UNC13A: variants seen among roughly 807,000 people sequenced by gnomAD.
The protein encoded by UNC13A is protein unc-13 homolog A.
In UNC13A, 61 loss-of-function variants were observed where a neutral mutation model predicts 219.7. The observed-to-expected ratio is 0.28, with a 90% CI of 0.23 to 0.34. UNC13A has a LOEUF of 0.34. Among genes scored for constraint, UNC13A ranks in the 10% least tolerant of loss-of-function variants. The probability of loss-of-function intolerance (pLI) is 1.00; values close to 1 mark genes in which losing one functional copy is unlikely to be tolerated. For synonymous variants in UNC13A, 920 were observed against 884.6 expected, an observed-to-expected ratio of 1.04 and a Z score of -0.71; for missense variants, 1,476 against 2,270.3, an observed-to-expected ratio of 0.65 and a Z score of 7.11.
chr19:17,632,697 G>A (rs890130619), intron 28 of UNC13A, 85 bp downstream of exon 28: 4 of 1,596,496 alleles, frequency 2.5e-6, no homozygotes, highest in Non-Finnish European at 3.4e-6. Context: ...GTAACCCTAA[G>A]TAGGTCAGTC....
intron 8 of UNC13A, among the ~76,000 whole-genome samples, chr19:17,659,762 C>T (rs941309889): frequency 2.0e-5 from 3 of 151,972 alleles, no homozygotes; most frequent in Non-Finnish European, 4.4e-5. Flanking sequence ...GAATGAGACC[C>T]TGTATCCAGA....
At chr19:17,624,365 C>G (rs1286882826) in intron 35 of UNC13A, among the ~76,000 whole-genome samples, 1 of 152,014 alleles carries the variant, frequency 6.6e-6, no homozygotes, top group Non-Finnish European at 1.5e-5. Context: ...GCAATCTGCC[C>G]GCCTCGAGCC....
At chr19:17,658,501 G>A (rs976849045) in intron 8 of UNC13A, among the ~76,000 whole-genome samples, 1 of 152,174 alleles carries the variant, frequency 6.6e-6, no homozygotes, top group South Asian at 2.1e-4. Context: ...AGGGGCTAGG[G>A]TAGGACCTAC....
chr19:17,650,432 T>C (rs558911461), intron 12 of UNC13A, among the ~76,000 whole-genome samples: 2 of 152,200 alleles, frequency 1.3e-5, no homozygotes, highest in African/African-American at 4.8e-5. Flanking sequence ...GATAATTGCT[T>C]GAACCAGGAG....
Position 17,674,773 on chromosome 19 carries a change from A to AG in UNC13A, c.53-18dup, listed in dbSNP as rs2079864752. ...TGAATTTCTCTGTGGCAGTGAGAGT[A>AG]GGGGTCAGCGCTGGGGCTCAGGGAC... On this transcript the variant is annotated splice_polypyrimidine_tract_variant and intron_variant, in intron 2 of 43. Coordinates refer to ENST00000519716, the MANE Select transcript of UNC13A (RefSeq NM_001080421.3). The surrounding 1 kb of genome is among the most constrained non-coding windows in gnomAD (Gnocchi z 5.0). 1 of 1,607,818 alleles carries AG rather than the reference A, an allele frequency of 6.2e-7. No homozygotes were observed. The highest frequency in any genetic ancestry group is 1.3e-5 in the African/African-American group (1 of 74,800).
Position 17,602,262 on chromosome 19 carries a change from G to C in UNC13A, c.*3792C>G, listed in dbSNP as rs1196179658. 2.0e-5 allele frequency: 3 copies of C among 152,684 alleles called. No individual in the cohort carries two copies. The highest frequency in any genetic ancestry group is 4.4e-5 in the Non-Finnish European group (3 of 68,228). The allele number at this position is 152,684 out of a possible 1,614,324, so 9.5% of individuals were successfully genotyped here. ...TACTTCCCCCGACACTCCCTGCCTT[G>C]GTCTCTGCATTTATCTTTCTCTGTA... On this transcript the variant is annotated 3_prime_UTR_variant, in exon 44 of 44. Coordinates refer to ENST00000519716, the MANE Select transcript of UNC13A (RefSeq NM_001080421.3).
intron 1 of UNC13A, among the ~76,000 whole-genome samples, chr19:17,681,951 AT>A (rs397859270): frequency 0.31 from 40,411 of 131,820 alleles, 6,438 homozygotes; most frequent in East Asian, 0.75. Context: ...ATCATCATTG[AT>A]TTTTTTTTTT....
chr19:17,666,595 AG>A, intron 7 of UNC13A, 54 bp downstream of exon 7: 1 of 1,337,304 alleles, frequency 7.5e-7, no homozygotes, highest in Non-Finnish European at 1.0e-6. Flanking sequence ...GTCATGGGGT[AG>A]GGGAGGGATG....
At chr19:17,651,184 C>T (rs969340649) in intron 12 of UNC13A, among the ~76,000 whole-genome samples, 2 of 151,766 alleles carry the variant, frequency 1.3e-5, no homozygotes, top group Non-Finnish European at 2.9e-5. Context: ...GGTGATCAAC[C>T]GCCTAGGCCT....
intron 30 of UNC13A, 86 bp from the exon 31 acceptor site, chr19:17,629,409 A>C: frequency 3.2e-6 from 4 of 1,253,392 alleles, no homozygotes; most frequent in Non-Finnish European, 4.5e-6. Flanking sequence ...TAGTGAGATC[A>C]GTGATGAACC....
At chr19:17,682,696 G>A (rs1260559720) in intron 1 of UNC13A, among the ~76,000 whole-genome samples, 1 of 152,166 alleles carries the variant, frequency 6.6e-6, no homozygotes, top group Non-Finnish European at 1.5e-5. Flanking sequence ...AGGCTTCTTA[G>A]GCAAGGAGCA....
chr19:17,671,266 G>T (rs2079782739), intron 4 of UNC13A, among the ~76,000 whole-genome samples: 1 of 152,172 alleles, frequency 6.6e-6, no homozygotes, highest in Non-Finnish European at 1.5e-5. Context: ...ACTATGCAAA[G>T]GTTCAGAGGG....
chr19:17,656,961 C>T (rs73528012), intron 9 of UNC13A, among the ~76,000 whole-genome samples: 1 of 152,014 alleles, frequency 6.6e-6, no homozygotes, highest in Non-Finnish European at 1.5e-5. Context: ...ATCACCACAG[C>T]CCCGCAGCAG....
intron 11 of UNC13A, 65 bp from the exon 12 acceptor site, chr19:17,652,742 C>A: frequency 6.3e-7 from 1 of 1,592,504 alleles, no homozygotes; most frequent in South Asian, 1.1e-5. Flanking sequence ...GCAGGCTCCA[C>A]ACCCACTTCT....
intron 41 of UNC13A, among the ~76,000 whole-genome samples, chr19:17,612,760 C>T (rs184446332): frequency 4.6e-5 from 7 of 152,230 alleles, no homozygotes; most frequent in Admixed American, 1.3e-4. Context: ...GGGAGGAACA[C>T]TTGAGCTCAG....
chr19:17,631,154 TCTCCCTCC>T lies in UNC13A; in HGVS notation c.3429-412_3429-405del, dbSNP rs202161270. Among the ~76,000 whole-genome samples the T allele has an allele frequency of 1.6e-4, 7 of 43,920 alleles. 1 individual carries two copies. In the South Asian group the frequency reaches 5.8e-3, roughly 36 times the overall value. 28.8% of individuals were successfully genotyped at this position (43,920 alleles called of 152,430 possible). A position where few individuals can be genotyped will look rare whatever the true frequency, so the allele number is the denominator to read the frequency against. On this transcript the variant is annotated intron_variant, in intron 28 of 43. Transcript: ENST00000519716. ...GGGTTTATTCTCTGAGCTCTTGTTT[TCTCCCTCC>T]CTCCCTCCCTCCCTCCTTTCCTTCC...
At chr19:17,670,661 T>C (rs2079767990) in intron 4 of UNC13A, among the ~76,000 whole-genome samples, 1 of 152,082 alleles carries the variant, frequency 6.6e-6, no homozygotes, top group Non-Finnish European at 1.5e-5. Context: ...CCCAGCACTT[T>C]GCGAGGCCAA....
chr19:17,653,568 C>T (rs1169028363), intron 11 of UNC13A, among the ~76,000 whole-genome samples: 2 of 151,906 alleles, frequency 1.3e-5, no homozygotes, highest in South Asian at 2.1e-4. Context: ...AGGCTGGTCT[C>T]GAACTCCTGA....
chr19:17,641,457 C>G lies in UNC13A; in HGVS notation c.2572G>C (p.Ala858Pro). The G allele has an allele frequency of 6.2e-7, 1 of 1,614,180 alleles. No individual in the cohort carries two copies. The highest frequency in any genetic ancestry group is 1.1e-5 in the South Asian group (1 of 91,078). Residue 858 changes from alanine to proline, a missense_variant, in exon 21 of 44, where the codon GCC (alanine) becomes CCC (proline). By Grantham distance (27) the Ala-to-Pro change is conservative. Coordinates refer to ENST00000519716, the MANE Select transcript of UNC13A (RefSeq NM_001080421.3). ...DAWKVYYDET[A>P]QEIVDEFAMR... ...GCAAACTCGTCCACAATCTCCTGGG[C>G]TGTCTCATCGTAGTAAACCTTCCAG...
Sources: allele counts gnomAD v4.1 joint callset (sites outside exome capture counted in the v4.1 genomes callset), GRCh38; gene constraint gnomAD v4.1.1; non-coding constraint Gnocchi (gnomAD v3.1); transcripts MANE v1.5; gene names NCBI Gene and HGNC (gene_info 2026-07-23, HGNC 2026-07-21).